FHAD1: variants seen among roughly 807,000 people sequenced by gnomAD.
The protein encoded by FHAD1 is forkhead-associated domain-containing protein 1.
A neutral mutation model predicts 191.3 loss-of-function variants in FHAD1; 146 were observed. That is an observed-to-expected ratio of 0.76 (90% CI 0.67 to 0.88). FHAD1 has a LOEUF of 0.88. Among genes scored for constraint, FHAD1 ranks in the 40% least tolerant of loss-of-function variants. The pLI, the probability that FHAD1 is intolerant of heterozygous loss-of-function variation, is 0.00. For synonymous variants in FHAD1, 616 were observed against 672.3 expected, an observed-to-expected ratio of 0.92 and a Z score of 1.29; for missense variants, 1,635 against 1,785.8, an observed-to-expected ratio of 0.92 and a Z score of 1.52.
chr1:15,355,308 A>G (rs1310428683), intron 20 of FHAD1, among the ~76,000 whole-genome samples: 2 of 152,118 alleles, frequency 1.3e-5, no homozygotes, highest in Non-Finnish European at 2.9e-5. Context: ...CCAGGAATTC[A>G]CCATTTACCA....
chr1:15,388,261 T>A, intron 32 of FHAD1, 130 bp downstream of exon 32: 1 of 308,822 alleles, frequency 3.2e-6, no homozygotes. Context: ...TTCCCTTCCC[T>A]CCCCAGCCTC....
At chr1:15,383,413 C>T (rs748932880) in intron 31 of FHAD1, 26 of 377,450 alleles carry the variant, frequency 6.9e-5, no homozygotes, top group Non-Finnish European at 1.3e-4. Context: ...GTGAGTCCTG[C>T]CTCAGACCCG....
chr1:15,381,375 A>G lies in FHAD1; in HGVS notation c.3946A>G (p.Ile1316Val), dbSNP rs1247225635. 1.3e-6 allele frequency: 2 copies of G among 1,551,668 alleles called. No individual in the cohort carries two copies. The highest frequency in any genetic ancestry group is 1.4e-5 in the African/African-American group (1 of 73,028). ...GGACCTCGACCTGGTGTTTGATAAGATCACCCAACTCAAGAACCAGCTGGG... is the reference window on the plus strand; with the variant it reads ...GGACCTCGACCTGGTGTTTGATAAGGTCACCCAACTCAAGAACCAGCTGGG... ...QRDLDLVFDKITQLKNQLGRK... is the reference protein window; with the variant it reads ...QRDLDLVFDKVTQLKNQLGRK... The change falls in exon 30 of 34, where the codon ATC becomes GTC. Residue 1316 changes from isoleucine (I) to valine (V), a missense_variant. Transcript: ENST00000688493. The surrounding 1 kb of genome is among the most constrained non-coding windows in gnomAD (Gnocchi z 4.6).
intron 5 of FHAD1, among the ~76,000 whole-genome samples, chr1:15,297,987 A>T (rs1283971749): frequency 6.6e-6 from 1 of 152,192 alleles, no homozygotes; most frequent in Non-Finnish European, 1.5e-5. Flanking sequence ...TTAAAGAACT[A>T]AAAACAGAGC....
chr1:15,381,573 C>A lies in FHAD1; in HGVS notation c.4022+122C>A. On this transcript the variant is annotated intron_variant, in intron 30 of 33. Transcript: ENST00000688493. The surrounding 1 kb of genome is among the most constrained non-coding windows in gnomAD (Gnocchi z 4.6). ...GGACAGAGACCCACGTGTGGAATAC[C>A]TGCAATGTCAGAAGGGGACCAGGGA... is the stretch of plus-strand genomic sequence containing the variant. 1 of 719,802 alleles carries A rather than the reference C, an allele frequency of 1.4e-6. No homozygotes were observed. Among genetic ancestry groups the A allele is most frequent in the Non-Finnish European group, 2.3e-6 (1 of 429,708 alleles). 44.6% of individuals were successfully genotyped at this position (719,802 alleles called of 1,614,324 possible).
At chr1:15,360,082 T>C (rs752388416) in intron 21 of FHAD1, among the ~76,000 whole-genome samples, 25 of 152,262 alleles carry the variant, frequency 1.6e-4, no homozygotes, top group African/African-American at 4.3e-4. Flanking sequence ...CACTGCACTC[T>C]AATGTGGGTG....
chr1:15,341,961 C>T (rs1227221653), intron 16 of FHAD1, 73 bp downstream of exon 16: 1 of 1,385,554 alleles, frequency 7.2e-7, no homozygotes, highest in Non-Finnish European at 9.8e-7. Flanking sequence ...AAATTGAGGG[C>T]ATGTACTTAG....
chr1:15,390,177 C>T (rs1415687492), intron 32 of FHAD1, among the ~76,000 whole-genome samples: 2 of 151,934 alleles, frequency 1.3e-5, no homozygotes, highest in African/African-American at 2.4e-5. Flanking sequence ...GAAACCTCAT[C>T]GCTACTAAAA....
intron 33 of FHAD1, among the ~76,000 whole-genome samples, chr1:15,395,634 G>A (rs59519309): frequency 2.0e-5 from 3 of 152,092 alleles, no homozygotes; most frequent in Admixed American, 6.5e-5. Flanking sequence ...CTGCCAGGAC[G>A]CCCCCTCCTT....
rs1209072897 is a variant in FHAD1 at position 15,398,296 on chromosome 1, C to A, written c.*883C>A. The stretch of plus-strand genomic sequence containing the variant: ...CATCTCAAAAAAAAAAAAAAAAAAT[C>A]TGTTTATTGTAATAAATTTAGAACA... On this transcript the variant is annotated 3_prime_UTR_variant, in exon 34 of 34. Transcript: ENST00000688493. 1.4e-5 allele frequency among the ~76,000 whole-genome samples: 2 copies of A among 139,842 alleles called. No homozygotes were observed. Among genetic ancestry groups the A allele is most frequent in the South Asian group, 2.3e-4 (1 of 4,304 alleles). 91.7% of individuals were successfully genotyped at this position (139,842 alleles called of 152,430 possible). A position where few individuals can be genotyped will look rare whatever the true frequency, so the allele number is the denominator to read the frequency against.
chr1:15,352,958 G>C lies in FHAD1; in HGVS notation c.2536G>C (p.Glu846Gln), dbSNP rs1311320925. 3.2e-6 allele frequency: 5 copies of C among 1,551,288 alleles called. No individual in the cohort carries two copies. The highest frequency in any genetic ancestry group is 4.4e-6 in the Non-Finnish European group (5 of 1,146,894). ...GGAAAAGAAAAAGGTGCAAGACCTGGAGAATCGCTTAACCAAGCAGAAAGA... is the reference window on the plus strand; with the variant it reads ...GGAAAAGAAAAAGGTGCAAGACCTGCAGAATCGCTTAACCAAGCAGAAAGA... ...EKEKKKVQDL[E>Q]NRLTKQKEEL... Residue 846 changes from glutamate to glutamine, a missense_variant, in exon 20 of 34, where the codon GAG (glutamate) becomes CAG (glutamine). Coordinates refer to ENST00000688493, the MANE Select transcript of FHAD1 (RefSeq NM_001391957.1).
Position 15,311,153 on chromosome 1 carries a change from A to AC in FHAD1, c.1040-1903dup, listed in dbSNP as rs1672156031. 6.6e-6 allele frequency among the ~76,000 whole-genome samples: 1 copy of AC among 152,180 alleles called. No individual in the cohort carries two copies. ...GACCACAGCAGGGAGGGGAAGCCAGACAGAGCCCAGTGGTCAGCCCGACTT... is the reference window on the plus strand; with the variant it reads ...GACCACAGCAGGGAGGGGAAGCCAGACCAGAGCCCAGTGGTCAGCCCGACTT... On this transcript the variant is annotated intron_variant, in intron 7 of 33. Transcript: ENST00000688493. This position sits in a 1 kb window ranked among gnomAD's most constrained non-coding sequence, Gnocchi z 4.1.
At chr1:15,280,919 T>G (rs1475278175) in intron 3 of FHAD1, among the ~76,000 whole-genome samples, 1 of 152,242 alleles carries the variant, frequency 6.6e-6, no homozygotes, top group Admixed American at 6.5e-5. Flanking sequence ...CTAACCCACC[T>G]GGCCAAAATC....
At chr1:15,287,905 C>T (rs1389666432) in intron 3 of FHAD1, among the ~76,000 whole-genome samples, 1 of 152,292 alleles carries the variant, frequency 6.6e-6, no homozygotes, top group East Asian at 1.9e-4. Flanking sequence ...GCATTCTGTC[C>T]TTTTCCTCAT....
rs1196507764 is a variant in FHAD1, at chr1:15,313,335, TG to T, written c.1170+155del. 1.1e-3 allele frequency: 17 copies of T among 14,840 alleles called. No homozygotes were observed. The South Asian group carries it at 0.016, about 14-fold the overall frequency. The allele number at this position is 14,840 out of a possible 1,614,324, so 0.9% of individuals were successfully genotyped here. ...CACCATTGTGCTGGGGGCGGGGTGGTGGGGGGGTGGGCGTTGGGGGCAAAAC... is the reference window on the plus strand; with the variant it reads ...CACCATTGTGCTGGGGGCGGGGTGGTGGGGGGTGGGCGTTGGGGGCAAAAC... On this transcript the variant is annotated intron_variant, in intron 8 of 33. Transcript: ENST00000688493.
At chr1:15,337,805 G>A (rs1684868441) in intron 14 of FHAD1, among the ~76,000 whole-genome samples, 1 of 151,850 alleles carries the variant, frequency 6.6e-6, no homozygotes. Context: ...CCACTTCACT[G>A]TTCTGTCAGC....
chr1:15,267,845 AATAAATATTTT>A (rs1654195520), intron 2 of FHAD1, among the ~76,000 whole-genome samples: 1 of 147,428 alleles, frequency 6.8e-6, no homozygotes, highest in Non-Finnish European at 1.5e-5. Flanking sequence ...ATATTTATAA[AATAAATATTTT>A]ATATATTATA....
chr1:15,352,937 A>G lies in FHAD1; in HGVS notation c.2515A>G (p.Lys839Glu), dbSNP rs1691386132. 2 of 1,551,426 alleles carry G rather than the reference A, an allele frequency of 1.3e-6. No individual in the cohort carries two copies. Among genetic ancestry groups the G allele is most frequent in the African/African-American group, 2.7e-5 (2 of 72,956 alleles). The change falls in exon 20 of 34, where the codon AAG becomes GAG. Residue 839 changes from lysine to glutamate, a missense_variant. Lys to Glu is a moderately conservative substitution (Grantham distance 56, BLOSUM62 1). Coordinates refer to ENST00000688493, the MANE Select transcript of FHAD1 (RefSeq NM_001391957.1). ...RKAKEAMEKEKKKVQDLENRL... is the reference protein window; with the variant it reads ...RKAKEAMEKEEKKVQDLENRL... ...AGCAAAGGAGGCCATGGAGAAGGAA[A>G]AGAAAAAGGTGCAAGACCTGGAGAA...
rs3737693 is a variant in FHAD1, at chr1:15,388,162, A to G, written c.4269+31A>G. The G allele has an allele frequency of 4.6e-4, 577 of 1,250,968 alleles. 12 individuals are homozygous for G. The East Asian group carries it at 0.025, about 55-fold the overall frequency. The allele number at this position is 1,250,968 out of a possible 1,614,324, so 77.5% of individuals were successfully genotyped here. ...GGAGGTGTTCTGATGTTGCAGACAC[A>G]GAGTAGAGACAGTCTCAACTGGGGG... is the stretch of plus-strand genomic sequence containing the variant. On this transcript the variant is annotated intron_variant, in intron 32 of 33. Transcript: ENST00000688493.
Sources: gnomAD v4.1 joint callset for allele counts (sites outside exome capture counted in the v4.1 genomes callset) on GRCh38, gnomAD v4.1.1 for gene constraint, Gnocchi (gnomAD v3.1) non-coding constraint, MANE v1.5 for transcripts, NCBI Gene and HGNC (gene_info 2026-07-23, HGNC 2026-07-21) for gene names.